Variants in TJP3 observed in about 807,000 individuals in gnomAD.
The protein encoded by TJP3 is tight junction protein 3.
A neutral mutation model predicts 104.2 loss-of-function variants in TJP3; 85 were observed. The observed-to-expected ratio is 0.82, with a 90% confidence interval of 0.68 to 0.98. The LOEUF (loss-of-function observed/expected upper bound fraction) is 0.98. Among genes scored for constraint, TJP3 ranks in the 50% least tolerant of loss-of-function variants. The pLI is 0.00. For synonymous variants in TJP3, 550 were observed against 550.6 expected, an observed-to-expected ratio of 1.00 and a Z score of 0.02; for missense variants, 1,367 against 1,322.8, an observed-to-expected ratio of 1.03 and a Z score of -0.52.
At chr19:3,718,153 C>CT (rs2036501041) in intron 1 of TJP3, among the ~76,000 whole-genome samples, 1 of 128,518 alleles carries the variant, frequency 7.8e-6, no homozygotes, top group Non-Finnish European at 1.5e-5. Context: ...TTGCAGTGAG[C>CT]TGAGATTGCG....
rs902041121 is a variant in TJP3 at position 3,734,501 on chromosome 19, C to T, written c.986+66C>T. 28 of 1,435,498 alleles carry T rather than the reference C, an allele frequency of 2.0e-5. 1 individual carries two copies. The highest frequency in any genetic ancestry group is 1.8e-4 in the Middle Eastern group (1 of 5,532). The allele number at this position is 1,435,498 out of a possible 1,614,324, so 88.9% of individuals were successfully genotyped here. A position where few individuals can be genotyped will look rare whatever the true frequency, so the allele number is the denominator to read the frequency against. On this transcript the variant is annotated intron_variant, in intron 8 of 20. Transcript: ENST00000541714. ...GAGGGAGGTGGGAGGGAGAGGGGAACGCGGGCGTAGCTTTCCAACTGGGGG... is the reference window on the plus strand; with the variant it reads ...GAGGGAGGTGGGAGGGAGAGGGGAATGCGGGCGTAGCTTTCCAACTGGGGG...
chr19:3,740,897 T>C (rs2036807058), intron 14 of TJP3, 134 bp downstream of exon 14: 1 of 819,510 alleles, frequency 1.2e-6, no homozygotes, highest in South Asian at 4.2e-5. Flanking sequence ...TCCCAACACT[T>C]TGGGAGGCCG....
At chr19:3,750,333 T>A (rs1201017016) in intron 20 of TJP3, 149 bp downstream of exon 20, 4 of 1,165,580 alleles carry the variant, frequency 3.4e-6, no homozygotes, top group Non-Finnish European at 3.7e-6. Flanking sequence ...CTAAGCCCCA[T>A]ATAATCAGGG....
chr19:3,745,073 T>C (rs2036867909), intron 15 of TJP3, among the ~76,000 whole-genome samples: 1 of 146,746 alleles, frequency 6.8e-6, no homozygotes, highest in Admixed American at 6.8e-5. Context: ...CACAGCAAAA[T>C]CACGTTTCTA....
At chr19:3,714,590 T>C (rs1344346730) in intron 1 of TJP3, among the ~76,000 whole-genome samples, 3 of 151,964 alleles carry the variant, frequency 2.0e-5, no homozygotes, top group African/African-American at 7.3e-5. Context: ...CAGACAATAA[T>C]TGAATAATCG....
At chr19:3,732,521 T>C (rs2036684569) in intron 6 of TJP3, among the ~76,000 whole-genome samples, 1 of 151,962 alleles carries the variant, frequency 6.6e-6, no homozygotes, top group Non-Finnish European at 1.5e-5. Flanking sequence ...TTTCTTTTTT[T>C]TTTTTTCAGA....
intron 1 of TJP3, among the ~76,000 whole-genome samples, chr19:3,726,141 G>A (rs1374259937): frequency 6.6e-6 from 1 of 152,248 alleles, no homozygotes; most frequent in Non-Finnish European, 1.5e-5. Flanking sequence ...CCCCGGGGAG[G>A]AGGAGGAGTC....
chr19:3,725,041 G>A (rs935051818), intron 1 of TJP3, among the ~76,000 whole-genome samples: 2 of 152,042 alleles, frequency 1.3e-5, no homozygotes, highest in African/African-American at 2.4e-5. Flanking sequence ...TGGGAGGATC[G>A]CTTGGGCCCA....
chr19:3,747,984 C>G lies in TJP3; in HGVS notation c.2513C>G (p.Pro838Arg). The change falls in exon 19 of 21, where the codon CCG becomes CGG. Residue 838 changes from proline to arginine, a missense_variant. Physicochemically the swap from Pro to Arg is moderately radical, Grantham distance 103 (BLOSUM62 -2). Transcript: ENST00000541714. ...GPYTDVDDEP[P>R]APALARSSEP... Reference sequence around the variant, plus strand: ...TACACGGATGTGGATGATGAGCCCCCGGCTCCAGCCCTGGCCCGGTCCTCG... The same window carrying G: ...TACACGGATGTGGATGATGAGCCCCGGGCTCCAGCCCTGGCCCGGTCCTCG... The G allele has an allele frequency of 1.9e-6, 3 of 1,611,884 alleles. No individual in the cohort carries two copies. Among genetic ancestry groups the G allele is most frequent in the Non-Finnish European group, 1.7e-6 (2 of 1,179,462 alleles).
chr19:3,741,631 A>G (rs1389117533), intron 14 of TJP3, among the ~76,000 whole-genome samples: 1 of 33,790 alleles, frequency 3.0e-5, no homozygotes, highest in Non-Finnish European at 6.7e-5. Flanking sequence ...TCTTCAAAAG[A>G]AAAAAAAAAA....
chr19:3,730,842 G>A lies in TJP3; in HGVS notation c.613+136G>A, dbSNP rs1194889856. On this transcript the variant is annotated intron_variant, in intron 5 of 20. Transcript: ENST00000541714. The surrounding 1 kb of genome is among the most constrained non-coding windows in gnomAD (Gnocchi z 7.3). Reference sequence around the variant, plus strand: ...ACTCCAGGCGCCCGCCACCATGCCTGGCTAATTTTTGTACTTTTGGTAGAG... The same window carrying A: ...ACTCCAGGCGCCCGCCACCATGCCTAGCTAATTTTTGTACTTTTGGTAGAG... The A allele has an allele frequency of 3.1e-6, 3 of 952,770 alleles. No individual in the cohort carries two copies. In the East Asian group the frequency reaches 8.4e-5, roughly 27 times the overall value. The allele number at this position is 952,770 out of a possible 1,614,324, so 59.0% of individuals were successfully genotyped here. A position where few individuals can be genotyped will look rare whatever the true frequency, so the allele number is the denominator to read the frequency against.
At chr19:3,719,484 C>CA (rs1322759769) in intron 1 of TJP3, among the ~76,000 whole-genome samples, 1 of 151,724 alleles carries the variant, frequency 6.6e-6, no homozygotes, top group African/African-American at 2.4e-5. Flanking sequence ...GCCCATAATC[C>CA]TAACATTTTG....
At chr19:3,711,550 T>G (rs908863538) in intron 1 of TJP3, among the ~76,000 whole-genome samples, 1 of 150,274 alleles carries the variant, frequency 6.7e-6, no homozygotes, top group Non-Finnish European at 1.5e-5. Flanking sequence ...GGCTTTATGA[T>G]ATTAAAGGAT....
chr19:3,748,035 A>AG lies in TJP3; in HGVS notation c.2565dup (p.Ser856GlufsTer34). 3.1e-6 allele frequency: 5 copies of AG among 1,598,432 alleles called. No homozygotes were observed. Among genetic ancestry groups the AG allele is most frequent in the Non-Finnish European group, 4.3e-6 (5 of 1,172,994 alleles). On this transcript the variant is annotated frameshift_variant, in exon 19 of 21. Coordinates refer to ENST00000541714, the MANE Select transcript of TJP3 (RefSeq NM_001267560.2). LOFTEE classifies it high-confidence loss of function. ...GAGCCCGTGCAGGCAGATGAGTCCC[A>AG]GAGCCCGAGGGATCGTGGGAGAATC...
chr19:3,710,303 T>G (rs922081999), intron 1 of TJP3, among the ~76,000 whole-genome samples: 2 of 151,766 alleles, frequency 1.3e-5, no homozygotes, highest in Non-Finnish European at 2.9e-5. Context: ...TCTCATCAGC[T>G]TCCTGGTTTG....
intron 5 of TJP3, 147 bp from the exon 6 acceptor site, chr19:3,731,788 T>C (rs563848371): frequency 8.6e-6 from 5 of 581,628 alleles, no homozygotes; most frequent in African/African-American, 1.9e-5. Context: ...AGATCTCGGG[T>C]CCTACGGGCG....
In TJP3 at chr19:3,750,599, C is replaced by A. The variant is rs780967059; in HGVS notation, c.2675C>A (p.Ala892Asp). Residue 892 changes from alanine (A) to aspartate (D), a missense_variant, in exon 21 of 21, where the codon GCC (alanine) becomes GAC (aspartate). Coordinates refer to ENST00000541714, the MANE Select transcript of TJP3 (RefSeq NM_001267560.2). ...QDSMRTYERE[A>D]LKKKFMRVHD... ...ATCCCCAGAACCTATGAACGGGAAG[C>A]CCTGAAGAAAAAGTTTATGCGAGTA... 8.7e-6 allele frequency: 14 copies of A among 1,607,332 alleles called. No individual in the cohort carries two copies. The Admixed American group carries it at 2.4e-4, about 27-fold the overall frequency.
intron 14 of TJP3, among the ~76,000 whole-genome samples, chr19:3,741,777 T>TG (rs1167466845): frequency 1.3e-5 from 2 of 150,156 alleles, no homozygotes; most frequent in African/African-American, 4.9e-5. Flanking sequence ...TAGACCAGCC[T>TG]GGCCCACATG....
chr19:3,740,778 T>C lies in TJP3; in HGVS notation c.1843+15T>C, dbSNP rs375535510. On this transcript the variant is annotated intron_variant, in intron 14 of 20. Transcript: ENST00000541714. Reference sequence around the variant, plus strand: ...GTTGCGAGAAGGTGGGGCCCGGAGCTGGAGGGGCCCTGGGGAGGCCTCACA... The same window carrying C: ...GTTGCGAGAAGGTGGGGCCCGGAGCCGGAGGGGCCCTGGGGAGGCCTCACA... 1.2e-5 allele frequency: 19 copies of C among 1,542,228 alleles called. No homozygotes were observed. Among genetic ancestry groups the C allele is most frequent in the Non-Finnish European group, 1.3e-5 (15 of 1,145,252 alleles).
Sources: gnomAD v4.1 joint callset for allele counts (sites outside exome capture counted in the v4.1 genomes callset) on GRCh38, gnomAD v4.1.1 for gene constraint, Gnocchi (gnomAD v3.1) non-coding constraint, MANE v1.5 for transcripts, NCBI Gene and HGNC (gene_info 2026-07-23, HGNC 2026-07-21) for gene names.